The following COCH variants were observed in gnomAD, a reference collection of about 807,000 sequenced individuals.
The protein encoded by COCH is cochlin, also known as coagulation factor C homolog, cochlin (Limulus polyphemus).
In COCH, 40 loss-of-function variants were observed where a neutral mutation model predicts 54.8. That is an observed-to-expected ratio of 0.73 (90% CI 0.57 to 0.95). The LOEUF is 0.95. COCH is among the 40% of genes least tolerant of loss of function. The pLI is 0.00. For missense variants in COCH, 605 were observed against 675.0 expected, an observed-to-expected ratio of 0.90 and a Z score of 1.15; for synonymous variants, 256 against 237.9, an observed-to-expected ratio of 1.08 and a Z score of -0.70.
At chr14:30,875,238 C>G in intron 3 of COCH, 135 bp downstream of exon 3, 1 of 1,239,138 alleles carries the variant, frequency 8.1e-7, no homozygotes, top group Non-Finnish European at 1.1e-6. Flanking sequence ...TGAGCCGCCG[C>G]GTGGCGCGCC....
At position 30,885,893 on chromosome 14, in the gene COCH, A is replaced by G. The variant is rs1434385487; in HGVS notation, c.1058A>G (p.His353Arg). 6.2e-7 allele frequency: 1 copy of G among 1,614,050 alleles called. No individual in the cohort carries two copies. Among genetic ancestry groups the G allele is most frequent in the East Asian group, 2.2e-5 (1 of 44,900 alleles). Residue 353 changes from histidine to arginine, a missense_variant, in exon 11 of 12, where the codon CAT becomes CGT. Transcript: ENST00000396618. ...CCTCTGGTACAGAAGCTGTGCACTCATGAACAAATGATGTGCAGCAAGACC... is the reference window on the plus strand; with the variant it reads ...CCTCTGGTACAGAAGCTGTGCACTCGTGAACAAATGATGTGCAGCAAGACC... Reference protein sequence around the residue: ...VKPLVQKLCTHEQMMCSKTCY... With the variant: ...VKPLVQKLCTREQMMCSKTCY...
chr14:30,890,255 A>G lies in COCH; in HGVS notation c.*464A>G, dbSNP rs1013147507. The G allele has an allele frequency of 1.2e-5, 12 of 986,524 alleles. No individual in the cohort carries two copies. Among genetic ancestry groups the G allele is most frequent in the Admixed American group, 6.0e-5 (1 of 16,580 alleles). 61.1% of individuals were successfully genotyped at this position (986,524 alleles called of 1,614,324 possible). On this transcript the variant is annotated 3_prime_UTR_variant, in exon 12 of 12. Coordinates refer to ENST00000396618, the MANE Select transcript of COCH (RefSeq NM_004086.3). Reference sequence around the variant, plus strand: ...GGTACACATATTTTGACCCAAGTGGATATTTTCTTAAAACCAATCAATAAT... The same window carrying G: ...GGTACACATATTTTGACCCAAGTGGGTATTTTCTTAAAACCAATCAATAAT...
chr14:30,894,829 T>C (rs918265136), downstream of COCH: 1 of 451,846 alleles, frequency 2.2e-6, no homozygotes, highest in Non-Finnish European at 3.4e-6. Flanking sequence ...TTATAAAAAC[T>C]AGAATTTTAT....
chr14:30,878,702 A>G, intron 4 of COCH, 109 bp from the exon 5 acceptor site: 1 of 1,467,770 alleles, frequency 6.8e-7, no homozygotes, highest in Non-Finnish European at 9.4e-7. Context: ...TTCCCTGATG[A>G]GCTATTTTCT....
At chr14:30,879,938 C>T (rs1259510366) in intron 6 of COCH, among the ~76,000 whole-genome samples, 2 of 152,194 alleles carry the variant, frequency 1.3e-5, no homozygotes, top group African/African-American at 4.8e-5. Context: ...TCAGGGATTA[C>T]AGGCATGAGC....
chr14:30,883,075 T>G (rs1259142747), intron 8 of COCH, among the ~76,000 whole-genome samples: 8 of 152,220 alleles, frequency 5.3e-5, no homozygotes, highest in Non-Finnish European at 1.2e-4. Context: ...AGAAGAAAAT[T>G]TAACTGTTTT....
intron 8 of COCH, among the ~76,000 whole-genome samples, chr14:30,881,848 C>A (rs1895602055): frequency 1.3e-5 from 2 of 151,490 alleles, no homozygotes; most frequent in South Asian, 4.1e-4. Flanking sequence ...CCTGTAGTCC[C>A]AGCTACTCGG....
At chr14:30,895,544 C>T, downstream of COCH, 1 of 1,613,974 alleles carries the variant, frequency 6.2e-7, no homozygotes, top group Non-Finnish European at 8.5e-7. Context: ...ACATGTCTTG[C>T]TGTCTAAATT....
intron 9 of COCH, 117 bp downstream of exon 9, chr14:30,884,773 A>G: frequency 7.7e-7 from 1 of 1,293,162 alleles, no homozygotes; most frequent in Non-Finnish European, 1.1e-6. Context: ...TGGAACTGAA[A>G]TCTTGGCTAG....
At chr14:30,887,865 A>C (rs1467765096) in intron 11 of COCH, among the ~76,000 whole-genome samples, 2 of 152,240 alleles carry the variant, frequency 1.3e-5, no homozygotes, top group Non-Finnish European at 2.9e-5. Context: ...TGTGAAGTAA[A>C]GACCTGTTTA....
chr14:30,891,682 G>A (rs1224079791), downstream of COCH, among the ~76,000 whole-genome samples: 1 of 152,106 alleles, frequency 6.6e-6, no homozygotes, highest in African/African-American at 2.4e-5. Flanking sequence ...ACAACCCCTT[G>A]GAAAATTAAG....
At chr14:30,884,272 C>T (rs1423102954) in intron 8 of COCH, among the ~76,000 whole-genome samples, 4 of 152,160 alleles carry the variant, frequency 2.6e-5, no homozygotes, top group Non-Finnish European at 5.9e-5. Flanking sequence ...GGGATAATTC[C>T]AACCTTATAG....
At chr14:30,887,806 T>C (rs532493268) in intron 11 of COCH, among the ~76,000 whole-genome samples, 8 of 152,342 alleles carry the variant, frequency 5.3e-5, no homozygotes, top group African/African-American at 1.9e-4. Flanking sequence ...GCAATTTAAG[T>C]TCCACATCTA....
At chr14:30,874,848 G>A in intron 1 of COCH, 68 bp from the exon 2 acceptor site, 13 of 1,446,012 alleles carry the variant, frequency 9.0e-6, no homozygotes, top group Non-Finnish European at 1.3e-5. Flanking sequence ...AAGGGTGCGG[G>A]GCTCTGAGGA....
intron 3 of COCH, 46 bp downstream of exon 3, chr14:30,875,149 G>T: frequency 3.9e-6 from 6 of 1,544,278 alleles, no homozygotes; most frequent in Non-Finnish European, 5.2e-6. Flanking sequence ...CAGGGGCTGA[G>T]CACCAGCGGG....
At position 30,880,470 on chromosome 14, in the gene COCH, C is replaced by A; in HGVS notation, c.455C>A (p.Thr152Lys). ...HPPTGKRLKK[T>K]PEKKTGNKDC... ...ATTTCAGGTAAACGACTAAAGAAAA[C>A]ACCCGAGAAGAAAACTGGCAATAAA... is the stretch of plus-strand genomic sequence containing the variant. The change falls in exon 7 of 12, where the codon ACA becomes AAA. Residue 152 changes from threonine to lysine, a missense_variant. Physicochemically the swap from Thr to Lys is moderately conservative, Grantham distance 78. Coordinates refer to ENST00000396618, the MANE Select transcript of COCH (RefSeq NM_004086.3). 1 of 1,614,092 alleles carries A rather than the reference C, an allele frequency of 6.2e-7. No homozygotes were observed. The highest frequency in any genetic ancestry group is 8.5e-7 in the Non-Finnish European group (1 of 1,180,018).
chr14:30,883,592 T>G (rs1895685127), intron 8 of COCH, among the ~76,000 whole-genome samples: 1 of 152,234 alleles, frequency 6.6e-6, no homozygotes, highest in Non-Finnish European at 1.5e-5. Context: ...CAGGTATGTA[T>G]GCAGAAATAC....
downstream of COCH, chr14:30,894,897 T>C (rs1275746428): frequency 2.9e-6 from 3 of 1,041,602 alleles, no homozygotes; most frequent in African/African-American, 1.7e-5. Context: ...CTTTTTCTTT[T>C]TTTTTTTTTT....
downstream of COCH, among the ~76,000 whole-genome samples, chr14:30,892,375 T>C (rs1477472796): frequency 1.3e-5 from 2 of 152,190 alleles, no homozygotes; most frequent in African/African-American, 4.8e-5. Flanking sequence ...GAATAGGTGC[T>C]AGAAACAATT....
Sources: allele counts gnomAD v4.1 joint callset (sites outside exome capture counted in the v4.1 genomes callset), GRCh38; gene constraint gnomAD v4.1.1; transcripts MANE v1.5; gene names NCBI Gene and HGNC (gene_info 2026-07-23, HGNC 2026-07-21).